NUDT21: variants seen among roughly 807,000 people sequenced by gnomAD.
NUDT21 encodes the protein nudix hydrolase 21, also known as cleavage and polyadenylation specificity factor subunit 5.
In NUDT21, 5 loss-of-function variants were observed where a neutral mutation model predicts 29.8. The observed-to-expected ratio is 0.17, with a 90% CI of 0.09 to 0.35. The LOEUF is 0.35. NUDT21 is among the 10% of genes least tolerant of loss of function. The probability of loss-of-function intolerance (pLI) is 1.00; values close to 1 mark genes in which losing one functional copy is unlikely to be tolerated. For synonymous variants in NUDT21, 113 were observed against 98.5 expected (o/e 1.15, Z -0.87); for missense variants, 76 against 276.0 (o/e 0.28, Z 5.13).
rs1385190702 is a variant in NUDT21, at chr16:56,439,608, A to T, written c.471+49T>A. The T allele has an allele frequency of 3.3e-6, 4 of 1,210,658 alleles. No homozygotes were observed. The African/African-American group carries it at 4.5e-5, about 13-fold the overall frequency. 75.0% of individuals were successfully genotyped at this position (1,210,658 alleles called of 1,614,324 possible). A position where few individuals can be genotyped will look rare whatever the true frequency, so the allele number is the denominator to read the frequency against. On this transcript the variant is annotated intron_variant, in intron 4 of 6. Coordinates refer to ENST00000300291, the MANE Select transcript of NUDT21 (RefSeq NM_007006.3). ...TCTTTTTTAAAGTGGCTAGAATTAA[A>T]CGAGCTTTCTGCTTCCAAAATGCCC...
chr16:56,448,063 A>C, intron 1 of NUDT21, 74 bp from the exon 2 acceptor site: 2 of 1,325,532 alleles, frequency 1.5e-6, no homozygotes, highest in Non-Finnish European at 2.1e-6. Context: ...TAGCATAAAG[A>C]AACCATGGTA....
chr16:56,444,618 AAC>A (rs1962197102), intron 3 of NUDT21, among the ~76,000 whole-genome samples: 2 of 149,594 alleles, frequency 1.3e-5, no homozygotes, highest in African/African-American at 4.9e-5. Context: ...AAAAAACAAA[AAC>A]AAAAAAAAAA....
At chr16:56,448,127 G>T in intron 1 of NUDT21, 138 bp from the exon 2 acceptor site, 1 of 682,660 alleles carries the variant, frequency 1.5e-6, no homozygotes, top group South Asian at 1.9e-5. Flanking sequence ...GTTAACTAAA[G>T]TTAATGAAAC....
At chr16:56,435,016 CCAGT>C (rs1439766118) in intron 4 of NUDT21, 187 bp from the exon 5 acceptor site, 1 of 403,410 alleles carries the variant, frequency 2.5e-6, no homozygotes, top group Non-Finnish European at 4.4e-6. Flanking sequence ...AAGCAGTAAA[CCAGT>C]CAACCATTCG....
chr16:56,444,869 G>A (rs1962200972), intron 3 of NUDT21, among the ~76,000 whole-genome samples: 1 of 152,102 alleles, frequency 6.6e-6, no homozygotes, highest in Non-Finnish European at 1.5e-5. Flanking sequence ...CAAACTTTTT[G>A]AGCACTGACA....
At chr16:56,449,744 G>C (rs1962260749) in intron 1 of NUDT21, among the ~76,000 whole-genome samples, 1 of 151,864 alleles carries the variant, frequency 6.6e-6, no homozygotes, top group Admixed American at 6.6e-5. Context: ...TTTTAAAAAG[G>C]ATAACATTTG....
At chr16:56,434,560 A>C in intron 5 of NUDT21, 115 bp from the exon 6 acceptor site, 1 of 794,124 alleles carries the variant, frequency 1.3e-6, no homozygotes. Flanking sequence ...GATAATTCTC[A>C]TTAATACATT....
chr16:56,451,306 G>A lies in NUDT21; in HGVS notation c.-104C>T. On this transcript the variant is annotated 5_prime_UTR_variant, in exon 1 of 7. Coordinates refer to ENST00000300291, the MANE Select transcript of NUDT21 (RefSeq NM_007006.3). ...GCAATCCCCTCAGCGGCTACTGCCC[G>A]CCATTAACAGGACAGCGCAAGAGGA... is the stretch of plus-strand genomic sequence containing the variant. 3 of 897,550 alleles carry A rather than the reference G, an allele frequency of 3.3e-6. No homozygotes were observed. Among genetic ancestry groups the A allele is most frequent in the South Asian group, 1.6e-5 (1 of 63,276 alleles). The allele number at this position is 897,550 out of a possible 1,614,324, so 55.6% of individuals were successfully genotyped here.
In NUDT21 at chr16:56,431,301, T is replaced by G. The variant is rs1422652227; in HGVS notation, c.*1411A>C. The G allele has an allele frequency of 6.6e-6, 1 of 152,212 alleles. No homozygotes were observed. Among genetic ancestry groups the G allele is most frequent in the South Asian group, 2.1e-4 (1 of 4,828 alleles). 9.4% of individuals were successfully genotyped at this position (152,212 alleles called of 1,614,324 possible). A position where few individuals can be genotyped will look rare whatever the true frequency, so the allele number is the denominator to read the frequency against. ...AACTAGTGGCTTTTTCAAAGGAAAC[T>G]GGGGCATTTTTGATCATGGAGACTG... On this transcript the variant is annotated 3_prime_UTR_variant, in exon 7 of 7. Coordinates refer to ENST00000300291, the MANE Select transcript of NUDT21 (RefSeq NM_007006.3).
chr16:56,434,917 G>A (rs1962079014), intron 4 of NUDT21, 88 bp from the exon 5 acceptor site: 2 of 780,562 alleles, frequency 2.6e-6, no homozygotes, highest in African/African-American at 1.8e-5. Context: ...ATAAACTGTT[G>A]GGAGAAGCAT....
chr16:56,442,530 C>T (rs1238925655), intron 3 of NUDT21, among the ~76,000 whole-genome samples: 1 of 152,182 alleles, frequency 6.6e-6, no homozygotes, highest in Non-Finnish European at 1.5e-5. Flanking sequence ...CTTACCAATC[C>T]TCCACCTCCC....
chr16:56,448,013 A>C, intron 1 of NUDT21, 24 bp from the exon 2 acceptor site: 3 of 1,587,328 alleles, frequency 1.9e-6, no homozygotes, highest in Non-Finnish European at 1.7e-6. Flanking sequence ...ACAAACATCT[A>C]ACATGAGAAC....
chr16:56,449,147 T>C (rs771008342), intron 1 of NUDT21: 1 of 152,210 alleles, frequency 6.6e-6, no homozygotes, highest in Non-Finnish European at 1.5e-5. Flanking sequence ...GCTTTACATA[T>C]ATTAACATTT....
chr16:56,432,767 G>C, intron 6 of NUDT21, 34 bp from the exon 7 acceptor site: 1 of 1,467,170 alleles, frequency 6.8e-7, no homozygotes, highest in Non-Finnish European at 9.5e-7. Context: ...CTTTATTAAA[G>C]ACAGTACATA....
In NUDT21 at chr16:56,444,609, A is replaced by C. The variant is rs551860859; in HGVS notation, c.381+2017T>G. ...GAGTGAAACTCCGCCTCAAAAAAAA[A>C]AAAACAAAAACAAAAAAAAAAAAAA... is the stretch of plus-strand genomic sequence containing the variant. On this transcript the variant is annotated intron_variant, in intron 3 of 6. Transcript: ENST00000300291. Among the ~76,000 whole-genome samples, 160 of 149,660 alleles carry C rather than the reference A, an allele frequency of 1.1e-3. 3 individuals are homozygous for C. In the South Asian group the frequency reaches 0.033, roughly 31 times the overall value.
At chr16:56,441,648 A>C (rs1962161011) in intron 3 of NUDT21, among the ~76,000 whole-genome samples, 2 of 152,202 alleles carry the variant, frequency 1.3e-5, no homozygotes, top group African/African-American at 4.8e-5. Flanking sequence ...CCATCTTCCC[A>C]TTATCAATAT....
intron 4 of NUDT21, among the ~76,000 whole-genome samples, chr16:56,435,781 ATATG>A (rs1386286518): frequency 8.8e-6 from 1 of 113,742 alleles, no homozygotes; most frequent in Non-Finnish European, 1.8e-5. Context: ...ATATATATAT[ATATG>A]ATCAGTAAGT....
chr16:56,450,881 G>A (rs1186306165), intron 1 of NUDT21, among the ~76,000 whole-genome samples: 1 of 152,220 alleles, frequency 6.6e-6, no homozygotes. Context: ...ATGGGAACAA[G>A]CCTTCCTTTC....
intron 6 of NUDT21, among the ~76,000 whole-genome samples, chr16:56,433,851 TA>T (rs1962064309): frequency 6.6e-6 from 1 of 151,970 alleles, no homozygotes; most frequent in South Asian, 2.1e-4. Flanking sequence ...CACGCCTCAC[TA>T]ATTTTTGTAT....
Sources: gnomAD v4.1 joint callset for allele counts (sites outside exome capture counted in the v4.1 genomes callset) on GRCh38, gnomAD v4.1.1 for gene constraint, MANE v1.5 for transcripts, NCBI Gene and HGNC (gene_info 2026-07-23, HGNC 2026-07-21) for gene names.